Variants in NLK observed in about 807,000 individuals in gnomAD.
The protein encoded by NLK is serine/threonine-protein kinase NLK.
NLK carries 11 observed loss-of-function variants against 59.0 expected under a neutral mutation model. The ratio of observed to expected loss-of-function variants is 0.19; its 90% CI spans 0.12 to 0.31. NLK has a LOEUF of 0.31. Ranked by LOEUF, NLK falls within the 10% of genes least tolerant of loss-of-function variation. NLK has a pLI of 1.00. For missense variants in NLK, 410 were observed against 661.1 expected (o/e 0.62, Z 4.16); for synonymous variants, 235 against 235.9 (o/e 1.00, Z 0.03).
intron 3 of NLK, among the ~76,000 whole-genome samples, chr17:28,143,867 GCTGT>G (rs1396058494): frequency 6.6e-6 from 1 of 152,184 alleles, no homozygotes; most frequent in Non-Finnish European, 1.5e-5. Context: ...ACAATGGTTA[GCTGT>G]CTGTTATTAA....
chr17:28,056,519 A>G (rs1467324972), intron 1 of NLK, among the ~76,000 whole-genome samples: 5 of 152,246 alleles, frequency 3.3e-5, no homozygotes, highest in South Asian at 2.1e-4. Flanking sequence ...TGAAAACTCT[A>G]TATAAATGAA....
chr17:28,168,881 TTTA>T (rs577024292), intron 6 of NLK, among the ~76,000 whole-genome samples: 14 of 152,034 alleles, frequency 9.2e-5, no homozygotes, highest in Non-Finnish European at 1.5e-4. Flanking sequence ...TATGTATTTA[TTTA>T]TTATTATTAT....
intron 5 of NLK, 35 bp from the exon 6 acceptor site, chr17:28,168,413 T>G: frequency 6.9e-7 from 1 of 1,445,518 alleles, no homozygotes; most frequent in Non-Finnish European, 9.7e-7. Flanking sequence ...CATTTGTATT[T>G]GCTTGATAAT....
intron 1 of NLK, among the ~76,000 whole-genome samples, chr17:28,108,206 A>AT (rs1378293821): frequency 6.6e-6 from 1 of 152,216 alleles, no homozygotes; most frequent in Non-Finnish European, 1.5e-5. Flanking sequence ...CCTGGGCAGC[A>AT]GAGGGATACT....
chr17:28,186,672 C>G (rs1047991934), intron 8 of NLK, among the ~76,000 whole-genome samples: 1 of 152,118 alleles, frequency 6.6e-6, no homozygotes. Flanking sequence ...GGGAAACACC[C>G]CTTTTTAATC....
chr17:28,114,044 A>G (rs1458391688), intron 1 of NLK, among the ~76,000 whole-genome samples: 4 of 152,014 alleles, frequency 2.6e-5, no homozygotes, highest in Admixed American at 2.6e-4. Flanking sequence ...AGATTTATCT[A>G]TGTTGTTGCA....
intron 3 of NLK, among the ~76,000 whole-genome samples, chr17:28,146,877 C>G (rs898286799): frequency 6.6e-6 from 1 of 152,134 alleles, no homozygotes; most frequent in Non-Finnish European, 1.5e-5. Context: ...AACCTCTTTG[C>G]TCTGTATAAT....
chr17:28,198,544 C>T (rs945269252), downstream of NLK, among the ~76,000 whole-genome samples: 2 of 152,060 alleles, frequency 1.3e-5, no homozygotes, highest in African/African-American at 4.8e-5. Context: ...AGGCTGGTGT[C>T]GAACTCCTGA....
chr17:28,099,672 G>A (rs1487941226), intron 1 of NLK, among the ~76,000 whole-genome samples: 9 of 145,984 alleles, frequency 6.2e-5, no homozygotes, highest in South Asian at 2.1e-4. Context: ...TCCGCTTCCC[G>A]GGTTCACGCC....
intron 3 of NLK, among the ~76,000 whole-genome samples, chr17:28,158,608 G>A (rs903721834): frequency 3.3e-5 from 5 of 151,922 alleles, no homozygotes; most frequent in African/African-American, 1.2e-4. Context: ...AAAACACAAG[G>A]ACATTGTACA....
chr17:28,187,964 T>C (rs1597728593), intron 8 of NLK, among the ~76,000 whole-genome samples: 1 of 152,146 alleles, frequency 6.6e-6, no homozygotes, highest in East Asian at 1.9e-4. Flanking sequence ...CCCAGCACTT[T>C]AGGAGGCTGA....
chr17:28,042,935 C>G lies in NLK; in HGVS notation c.62C>G (p.Ser21Cys), dbSNP rs1908907856. The change falls in exon 1 of 11, where the codon TCT becomes TGT. Residue 21 changes from serine to cysteine, a missense_variant. Ser to Cys is a moderately radical substitution (Grantham distance 112). This residue lies in a region of NLK where 160 missense variants were observed against 171.0 expected (regional missense o/e 0.94). Coordinates refer to ENST00000407008, the MANE Select transcript of NLK (RefSeq NM_016231.5). ...ATGGCGGCTTACAATGGCGGTACAT[C>G]TGCAGCAGCAGCAGGTCACCACCAC... ...KMMAAYNGGT[S>C]AAAAGHHHHH... is the part of the protein sequence containing the mutation. The G allele has an allele frequency of 6.4e-7, 1 of 1,550,388 alleles. No individual in the cohort carries two copies.
intron 1 of NLK, among the ~76,000 whole-genome samples, chr17:28,102,186 T>C (rs943581754): frequency 6.6e-6 from 1 of 152,190 alleles, no homozygotes; most frequent in African/African-American, 2.4e-5. Flanking sequence ...TATTGTTGCC[T>C]GCATTTTGTT....
the NLK span, among the ~76,000 whole-genome samples, chr17:28,202,802 C>T: frequency 7.3e-5 from 11 of 151,534 alleles, no homozygotes; most frequent in African/African-American, 7.3e-5. Flanking sequence ...CCTGCCTCAG[C>T]CTCCCGAGTA....
At chr17:28,198,649 A>G (rs954352003), downstream of NLK, among the ~76,000 whole-genome samples, 1 of 151,870 alleles carries the variant, frequency 6.6e-6, no homozygotes, top group Non-Finnish European at 1.5e-5. Flanking sequence ...TTTTTCCTCC[A>G]TTCTCTTCCG....
At chr17:28,151,609 C>T (rs1456315325) in intron 3 of NLK, among the ~76,000 whole-genome samples, 2 of 152,104 alleles carry the variant, frequency 1.3e-5, no homozygotes, top group Non-Finnish European at 2.9e-5. Context: ...CATTTCTGCA[C>T]AAGGGTAAAT....
At chr17:28,058,775 A>G (rs1466457126) in intron 1 of NLK, among the ~76,000 whole-genome samples, 1 of 152,186 alleles carries the variant, frequency 6.6e-6, no homozygotes, top group Non-Finnish European at 1.5e-5. Flanking sequence ...TCTCTATGTA[A>G]AAAAGGAAGA....
At chr17:28,089,689 T>C (rs1398403002) in intron 1 of NLK, among the ~76,000 whole-genome samples, 4 of 152,158 alleles carry the variant, frequency 2.6e-5, no homozygotes, top group Admixed American at 6.5e-5. Context: ...CCACCAATAG[T>C]GTGTGAGTTC....
At position 28,157,178 on chromosome 17, in the gene NLK, ACCTATTTCTTAAAAAAAAAAT is replaced by A. The variant is rs1377506286; in HGVS notation, c.645-3981_645-3961del. Among the ~76,000 whole-genome samples, 1,329 of 147,348 alleles carry A rather than the reference ACCTATTTCTTAAAAAAAAAAT, an allele frequency of 9.0e-3. 21 individuals are homozygous for A. The highest frequency in any genetic ancestry group is 0.032 in the African/African-American group (1,252 of 39,466). On this transcript the variant is annotated intron_variant, in intron 3 of 10. Coordinates refer to ENST00000407008, the MANE Select transcript of NLK (RefSeq NM_016231.5). ...ACTACCAGCAAATGCCACAATGCTCACCTATTTCTTAAAAAAAAAATTTTTTTTTTTAAGACAAAGTCTTGC... is the reference window on the plus strand; with the variant it reads ...ACTACCAGCAAATGCCACAATGCTCATTTTTTTTTTAAGACAAAGTCTTGC...
Sources: gnomAD v4.1 joint callset for allele counts (sites outside exome capture counted in the v4.1 genomes callset) on GRCh38, gnomAD v4.1.1 for gene constraint, gnomAD v4.1.1 regional missense constraint, MANE v1.5 for transcripts, NCBI Gene and HGNC (gene_info 2026-07-23, HGNC 2026-07-21) for gene names.